The following APBA2 variants were observed in gnomAD, a reference collection of about 807,000 sequenced individuals.
APBA2 encodes amyloid-beta A4 precursor protein-binding family A member 2.
A neutral mutation model predicts 75.0 loss-of-function variants in APBA2; 30 were observed. The observed-to-expected ratio is 0.40, with a 90% confidence interval of 0.30 to 0.54. APBA2 has a LOEUF of 0.54. Among genes scored for constraint, APBA2 ranks in the 20% least tolerant of loss-of-function variants. The pLI, the probability that APBA2 is intolerant of heterozygous loss-of-function variation, is 0.49. For missense variants in APBA2, 801 were observed against 1,016.1 expected (o/e 0.79, Z 2.88); for synonymous variants, 444 against 409.6 (o/e 1.08, Z -1.01).
chr15:28,985,770 G>C (rs1330704838), intron 2 of APBA2, among the ~76,000 whole-genome samples: 1 of 152,244 alleles, frequency 6.6e-6, no homozygotes, highest in Non-Finnish European at 1.5e-5. Flanking sequence ...GACTCTGTCT[G>C]ACCAGCTCAG....
chr15:29,006,247 A>G (rs2039109130), intron 3 of APBA2, among the ~76,000 whole-genome samples: 1 of 152,240 alleles, frequency 6.6e-6, no homozygotes, highest in African/African-American at 2.4e-5. Flanking sequence ...AATTCAGTAA[A>G]GTTGCAGGAT....
chr15:28,999,208 A>ATT (rs1227810225), intron 3 of APBA2, among the ~76,000 whole-genome samples: 1 of 152,068 alleles, frequency 6.6e-6, no homozygotes. Context: ...TACATAGAAG[A>ATT]TTTTTTCTAT....
At chr15:29,104,066 C>T (rs1478816902) in intron 10 of APBA2, among the ~76,000 whole-genome samples, 1 of 152,260 alleles carries the variant, frequency 6.6e-6, no homozygotes, top group African/African-American at 2.4e-5. Context: ...GGGCAGGCCG[C>T]CTGCTGCGCG....
At chr15:29,080,302 C>T (rs2043031149) in intron 6 of APBA2, among the ~76,000 whole-genome samples, 1 of 152,198 alleles carries the variant, frequency 6.6e-6, no homozygotes, top group Non-Finnish European at 1.5e-5. Context: ...GGAATCTGAG[C>T]TCATCACCAC....
chr15:28,898,556 C>T (rs537963727), intron 1 of APBA2, among the ~76,000 whole-genome samples: 4 of 152,238 alleles, frequency 2.6e-5, no homozygotes, highest in South Asian at 4.1e-4. Flanking sequence ...AGGTTGCCTT[C>T]GGGAGATGGT....
At chr15:28,941,609 G>A (rs993556748) in intron 2 of APBA2, among the ~76,000 whole-genome samples, 4 of 152,076 alleles carry the variant, frequency 2.6e-5, no homozygotes, top group Non-Finnish European at 5.9e-5. Context: ...CATGGAGCAG[G>A]GTGGGGCTAT....
intron 3 of APBA2, among the ~76,000 whole-genome samples, chr15:29,010,123 A>AT (rs2039324901): frequency 6.6e-6 from 1 of 152,216 alleles, no homozygotes; most frequent in South Asian, 2.1e-4. Flanking sequence ...CTCTGGTATG[A>AT]TTTTCAGTTC....
intron 3 of APBA2, among the ~76,000 whole-genome samples, chr15:29,015,414 C>T (rs1428810525): frequency 6.6e-6 from 1 of 152,182 alleles, no homozygotes; most frequent in African/African-American, 2.4e-5. Flanking sequence ...TTGACAGTCT[C>T]AGTTGGTAAA....
rs74007086 is a variant in APBA2 at position 29,112,881 on chromosome 15, C to T, written c.2038-995C>T. Among the ~76,000 whole-genome samples the T allele has an allele frequency of 9.8e-3, 1,484 of 152,194 alleles. 25 individuals are homozygous for T. The highest frequency in any genetic ancestry group is 0.034 in the African/African-American group (1,415 of 41,506). ...CCCATTTCTCCTTCCCAGCCCCTGG[C>T]GGCCCCCCACTTCTACTTTGTCTCT... is the stretch of plus-strand genomic sequence containing the variant. On this transcript the variant is annotated intron_variant, in intron 13 of 14. Transcript: ENST00000683413.
At chr15:28,952,229 G>A (rs1041079699) in intron 2 of APBA2, among the ~76,000 whole-genome samples, 1 of 152,058 alleles carries the variant, frequency 6.6e-6, no homozygotes, top group Admixed American at 6.6e-5. Flanking sequence ...GACTTGGAAG[G>A]CTTAAAGAAT....
intron 3 of APBA2, among the ~76,000 whole-genome samples, chr15:29,025,263 A>ATTT (rs199811660): frequency 1.4e-5 from 2 of 138,078 alleles, no homozygotes; most frequent in South Asian, 4.6e-4. Flanking sequence ...AAGAATTGGG[A>ATTT]TTTTTTTTTT....
chr15:28,980,857 C>T (rs889859489), intron 2 of APBA2, among the ~76,000 whole-genome samples: 4 of 152,160 alleles, frequency 2.6e-5, no homozygotes, highest in Non-Finnish European at 4.4e-5. Context: ...GCAGTGGAAC[C>T]GAGTAGAGAA....
chr15:28,973,608 A>T (rs2037182911), intron 2 of APBA2, among the ~76,000 whole-genome samples: 1 of 152,224 alleles, frequency 6.6e-6, no homozygotes, highest in Admixed American at 6.5e-5. Flanking sequence ...GAAGGCACTG[A>T]TAGTATTTTT....
intron 12 of APBA2, among the ~76,000 whole-genome samples, chr15:29,107,394 A>G (rs902274): frequency 0.78 from 118,722 of 152,186 alleles, 46,410 homozygotes; most frequent in East Asian, 0.88. Flanking sequence ...CTGCGAAGGA[A>G]TGGGTTCTGC....
chr15:29,058,874 T>C (rs1003542471), intron 4 of APBA2, among the ~76,000 whole-genome samples: 1 of 152,368 alleles, frequency 6.6e-6, no homozygotes, highest in South Asian at 2.1e-4. Context: ...AGAATTCCAC[T>C]GTAGAGTTTT....
At chr15:29,070,851 C>G (rs1451047588) in intron 4 of APBA2, 1 of 326,648 alleles carries the variant, frequency 3.1e-6, no homozygotes, top group African/African-American at 2.2e-5. Context: ...GGATGATCGC[C>G]TCTTTTGAAA....
At chr15:28,892,097 C>T (rs559536755) in intron 1 of APBA2, among the ~76,000 whole-genome samples, 21 of 152,028 alleles carry the variant, frequency 1.4e-4, no homozygotes, top group South Asian at 6.2e-4. Flanking sequence ...TTTTTTGAGA[C>T]GGAGTCTCGC....
At chr15:29,063,913 G>C (rs1348885342) in intron 4 of APBA2, among the ~76,000 whole-genome samples, 1 of 152,204 alleles carries the variant, frequency 6.6e-6, no homozygotes, top group East Asian at 1.9e-4. Flanking sequence ...ACCAGGACTG[G>C]TCAGGGCCAC....
At chr15:29,101,880 A>G (rs1567013505) in intron 10 of APBA2, 96 bp downstream of exon 10, 1 of 1,258,790 alleles carries the variant, frequency 7.9e-7, no homozygotes, top group Non-Finnish European at 1.1e-6. Flanking sequence ...TCAGGTGGAA[A>G]GCCTCCATGC....
Sources: gnomAD v4.1 joint callset for allele counts (sites outside exome capture counted in the v4.1 genomes callset) on GRCh38, gnomAD v4.1.1 for gene constraint, MANE v1.5 for transcripts, NCBI Gene and HGNC (gene_info 2026-07-23, HGNC 2026-07-21) for gene names.